The following NEURL1 variants were observed in gnomAD, a reference collection of about 807,000 sequenced individuals.
The protein encoded by NEURL1 is neuralized E3 ubiquitin protein ligase 1, also known as E3 ubiquitin-protein ligase NEURL1.
In NEURL1, 26 loss-of-function variants were observed where a neutral mutation model predicts 41.2. That is an observed-to-expected ratio of 0.63 (90% CI 0.46 to 0.87). NEURL1 has a LOEUF of 0.87. NEURL1 is among the 40% of genes least tolerant of loss of function. NEURL1 has a pLI of 0.00. For missense variants in NEURL1, 761 were observed against 871.1 expected, an observed-to-expected ratio of 0.87 and a Z score of 1.59; for synonymous variants, 400 against 402.3, an observed-to-expected ratio of 0.99 and a Z score of 0.07.
chr10:103,549,882 CT>C (rs1244810397), intron 1 of NEURL1, among the ~76,000 whole-genome samples: 1 of 152,214 alleles, frequency 6.6e-6, no homozygotes, highest in Non-Finnish European at 1.5e-5. Context: ...TCCTCCTTGC[CT>C]TCCACCCACT....
intron 1 of NEURL1, among the ~76,000 whole-genome samples, chr10:103,529,601 G>C (rs1341116323): frequency 6.6e-6 from 1 of 152,190 alleles, no homozygotes; most frequent in Admixed American, 6.5e-5. Context: ...AAAGAAAACA[G>C]TTGCTTTTTG....
Position 103,556,116 on chromosome 10 carries a change from CCA to C in NEURL1, c.86-14753_86-14752del, listed in dbSNP as rs967774452. Among the ~76,000 whole-genome samples, 3 of 152,224 alleles carry C rather than the reference CCA, an allele frequency of 2.0e-5. No individual in the cohort carries two copies. Among genetic ancestry groups the C allele is most frequent in the Non-Finnish European group, 4.4e-5 (3 of 68,028 alleles). ...AACTTCTGAGCCCTGCAGGTCACGT[CCA>C]CAGTCAGACAGACCCACAGCCTGGA... On this transcript the variant is annotated intron_variant, in intron 1 of 5. Coordinates refer to ENST00000369780, the MANE Select transcript of NEURL1 (RefSeq NM_004210.5). This position sits in a 1 kb window ranked among gnomAD's most constrained non-coding sequence, Gnocchi z 4.4.
rs2035165712 is a variant in NEURL1 at position 103,556,801 on chromosome 10, GGCCTTGCCCGTCT to G, written c.86-14069_86-14057del. Among the ~76,000 whole-genome samples, 1 of 152,190 alleles carries G rather than the reference GGCCTTGCCCGTCT, an allele frequency of 6.6e-6. No homozygotes were observed. Among genetic ancestry groups the G allele is most frequent in the Non-Finnish European group, 1.5e-5 (1 of 68,042 alleles). The stretch of plus-strand genomic sequence containing the variant: ...AGTTGGATTGGGCTGACCTGAGCCT[GGCCTTGCCCGTCT>G]GTGGGGTGGGGGCTCTTCTCAGGGC... On this transcript the variant is annotated intron_variant, in intron 1 of 5. Transcript: ENST00000369780. This position sits in a 1 kb window ranked among gnomAD's most constrained non-coding sequence, Gnocchi z 4.4.
Position 103,590,558 on chromosome 10 carries a change from G to A in NEURL1, c.*186G>A, listed in dbSNP as rs538924192. The A allele has an allele frequency of 4.2e-5, 25 of 601,638 alleles. No individual in the cohort carries two copies. In the African/African-American group the frequency reaches 4.3e-4, roughly 10 times the overall value. 37.3% of individuals were successfully genotyped at this position (601,638 alleles called of 1,614,324 possible). On this transcript the variant is annotated 3_prime_UTR_variant, in exon 6 of 6. Coordinates refer to ENST00000369780, the MANE Select transcript of NEURL1 (RefSeq NM_004210.5). ...GGGTATCAGGCAGGGAGGGGGCAGA[G>A]GCAAATCACCGGGCAGAGGGAGGGG...
intron 1 of NEURL1, among the ~76,000 whole-genome samples, chr10:103,496,993 G>C (rs948708258): frequency 6.6e-6 from 1 of 152,090 alleles, no homozygotes; most frequent in African/African-American, 2.4e-5. Flanking sequence ...CACTGTAGGT[G>C]ACCATGGGAA....
At chr10:103,563,890 G>A (rs2035361460) in intron 1 of NEURL1, among the ~76,000 whole-genome samples, 1 of 152,340 alleles carries the variant, frequency 6.6e-6, no homozygotes, top group African/African-American at 2.4e-5. Flanking sequence ...AACTTCAGAG[G>A]ATCTGTGCCA....
intron 1 of NEURL1, among the ~76,000 whole-genome samples, chr10:103,536,269 C>T (rs2034689628): frequency 1.3e-5 from 2 of 152,182 alleles, no homozygotes; most frequent in African/African-American, 2.4e-5. Flanking sequence ...GTTGACCGGG[C>T]GCTGTGGCTC....
intron 1 of NEURL1, among the ~76,000 whole-genome samples, chr10:103,542,975 A>G (rs1307760827): frequency 6.6e-6 from 1 of 152,236 alleles, no homozygotes; most frequent in African/African-American, 2.4e-5. Flanking sequence ...ACGAAAGAGA[A>G]GGGAAAACGA....
intron 1 of NEURL1, among the ~76,000 whole-genome samples, chr10:103,495,886 T>A (rs558198351): frequency 5.7e-4 from 87 of 152,284 alleles, no homozygotes; most frequent in African/African-American, 2.0e-3. Context: ...GGCAGGTGGA[T>A]CACTTGAGGT....
Position 103,584,767 on chromosome 10 carries a change from T to G in NEURL1, c.881T>G (p.Leu294Arg), listed in dbSNP as rs2035866681. 6.9e-7 allele frequency: 1 copy of G among 1,444,104 alleles called. No homozygotes were observed. The highest frequency in any genetic ancestry group is 1.3e-5 in the South Asian group (1 of 74,712). 89.5% of individuals were successfully genotyped at this position (1,444,104 alleles called of 1,614,324 possible). The change falls in exon 4 of 6, where the codon CTG becomes CGG. Residue 294 changes from leucine (L) to arginine (R), a missense_variant. By Grantham distance (102) the Leu-to-Arg change is moderately radical. Transcript: ENST00000369780. ...CTGCCGGCGCAGCTCGACGGCGACC[T>G]GCGTTTCCACGCCCTGCGCGCCGGC... ...RALPAQLDGD[L>R]RFHALRAGAH...
At chr10:103,526,634 C>T (rs1414141672) in intron 1 of NEURL1, among the ~76,000 whole-genome samples, 2 of 152,102 alleles carry the variant, frequency 1.3e-5, no homozygotes, top group Non-Finnish European at 2.9e-5. Context: ...GCCTCAGCCT[C>T]CCAAGGAGCT....
chr10:103,511,162 A>G (rs1276397245), intron 1 of NEURL1, among the ~76,000 whole-genome samples: 1 of 152,204 alleles, frequency 6.6e-6, no homozygotes, highest in Non-Finnish European at 1.5e-5. Flanking sequence ...TGTGCTCTGA[A>G]AGGACATCTT....
intron 3 of NEURL1, among the ~76,000 whole-genome samples, chr10:103,584,197 G>A (rs1430782448): frequency 6.6e-6 from 1 of 152,156 alleles, no homozygotes; most frequent in Non-Finnish European, 1.5e-5. Flanking sequence ...GACGGAAGGA[G>A]CCCAGGAGTT....
chr10:103,561,256 G>A (rs12573294), intron 1 of NEURL1, among the ~76,000 whole-genome samples: 31,045 of 149,968 alleles, frequency 0.21, 3,407 homozygotes, highest in South Asian at 0.32. Context: ...TACTTCCTCT[G>A]TATTCCTTTT....
intron 1 of NEURL1, among the ~76,000 whole-genome samples, chr10:103,510,108 G>C (rs1213446362): frequency 6.6e-6 from 1 of 152,134 alleles, no homozygotes; most frequent in Admixed American, 6.5e-5. Context: ...GCAGATGAAG[G>C]GGCCGGTAGA....
intron 3 of NEURL1, among the ~76,000 whole-genome samples, chr10:103,574,164 G>A (rs2035608813): frequency 6.6e-6 from 1 of 152,170 alleles, no homozygotes; most frequent in South Asian, 2.1e-4. Context: ...CAGGTGGGTG[G>A]GGGCCAAGGG....
chr10:103,571,675 A>G lies in NEURL1; in HGVS notation c.502A>G (p.Ile168Val), dbSNP rs2035548749. 6.2e-7 allele frequency: 1 copy of G among 1,614,094 alleles called. No individual in the cohort carries two copies. The highest frequency in any genetic ancestry group is 1.7e-5 in the Admixed American group (1 of 60,010). Residue 168 changes from isoleucine to valine, a missense_variant, in exon 3 of 6, where the codon ATC becomes GTC. Physicochemically the swap from Ile to Val is conservative, Grantham distance 29 (BLOSUM62 3). Transcript: ENST00000369780. Reference protein sequence around the residue: ...PEEFANEGNIIAFWVDKKGRV... With the variant: ...PEEFANEGNIVAFWVDKKGRV... ...GGAGTTTGCCAATGAGGGCAACATC[A>G]TCGCATTCTGGGTGGACAAGAAGGG...
chr10:103,521,689 A>G (rs1195001704), intron 1 of NEURL1, among the ~76,000 whole-genome samples: 3 of 152,232 alleles, frequency 2.0e-5, no homozygotes, highest in Non-Finnish European at 4.4e-5. Context: ...TCCTTGGTCC[A>G]AGAACCATTT....
intron 1 of NEURL1, among the ~76,000 whole-genome samples, chr10:103,521,837 T>C (rs1564809015): frequency 6.6e-6 from 1 of 152,168 alleles, no homozygotes; most frequent in Non-Finnish European, 1.5e-5. Context: ...CCAAATGTCA[T>C]GTGTGTCCAT....
Sources: allele counts gnomAD v4.1 joint callset (sites outside exome capture counted in the v4.1 genomes callset), GRCh38; gene constraint gnomAD v4.1.1; non-coding constraint Gnocchi (gnomAD v3.1); transcripts MANE v1.5; gene names NCBI Gene and HGNC (gene_info 2026-07-23, HGNC 2026-07-21).